Variants in TCOF1 observed in about 807,000 individuals in gnomAD.
TCOF1 encodes the protein treacle ribosome biogenesis factor 1.
A neutral mutation model predicts 149.0 loss-of-function variants in TCOF1; 33 were observed. That is an observed-to-expected ratio of 0.22 (90% CI 0.17 to 0.30). The LOEUF is 0.30. Among genes scored for constraint, TCOF1 ranks in the 10% least tolerant of loss-of-function variants. TCOF1 has a pLI of 1.00. For synonymous variants in TCOF1, 789 were observed against 738.8 expected (o/e 1.07, Z -1.10); for missense variants, 1,728 against 1,840.7 (o/e 0.94, Z 1.12).
At chr5:150,395,425 C>T (rs1289426692) in intron 23 of TCOF1, among the ~76,000 whole-genome samples, 1 of 152,186 alleles carries the variant, frequency 6.6e-6, no homozygotes, top group Non-Finnish European at 1.5e-5. Flanking sequence ...GGGCTTTCAG[C>T]TGCAGCTTGC....
At chr5:150,363,361 G>A (rs538342286) in intron 2 of TCOF1, among the ~76,000 whole-genome samples, 1 of 152,324 alleles carries the variant, frequency 6.6e-6, no homozygotes, top group East Asian at 1.9e-4. Context: ...TCGCAGCTGG[G>A]AAACCTGGGG....
In TCOF1 at chr5:150,379,167, G is replaced by C. The variant is rs1420417118; in HGVS notation, c.2479-62G>C. On this transcript the variant is annotated intron_variant, in intron 15 of 26. Coordinates refer to ENST00000643257, the MANE Select transcript of TCOF1 (RefSeq NM_001371623.1). Reference sequence around the variant, plus strand: ...CACCCACCCAGAGTTGTGCCATAGTGGGGAGTGGGACCTGAAAGGAATCAC... The same window carrying C: ...CACCCACCCAGAGTTGTGCCATAGTCGGGAGTGGGACCTGAAAGGAATCAC... 14 of 1,613,940 alleles carry C rather than the reference G, an allele frequency of 8.7e-6. No individual in the cohort carries two copies. The Admixed American group carries it at 1.2e-4, about 13-fold the overall frequency.
chr5:150,381,026 A>G (rs542574061), intron 17 of TCOF1, among the ~76,000 whole-genome samples: 6 of 152,242 alleles, frequency 3.9e-5, no homozygotes, highest in African/African-American at 1.4e-4. Flanking sequence ...AAATAAAAAA[A>G]AGAGATGATA....
intron 23 of TCOF1, chr5:150,393,797 C>A (rs909251891): frequency 3.7e-6 from 2 of 535,104 alleles, no homozygotes; most frequent in South Asian, 4.0e-5. Context: ...GCAGATTGCT[C>A]AAGCCCAGGA....
Position 150,393,369 on chromosome 5 carries a change from C to T in TCOF1, c.3604-3C>T, listed in dbSNP as rs11743855. 0.074 allele frequency: 118,913 copies of T among 1,613,700 alleles called. 4,779 individuals are homozygous for T. The highest frequency in any genetic ancestry group is 0.13 in the African/African-American group (9,638 of 74,892). ...CAGCCTCTTTCACAATGGGCTTCTT[C>T]AGTCTCTCCTCTCAGGTTATATGAC... On this transcript the variant is annotated splice_polypyrimidine_tract_variant and splice_region_variant and intron_variant, in intron 22 of 26. Transcript: ENST00000643257.
intron 25 of TCOF1, 71 bp from the exon 26 acceptor site, chr5:150,398,951 A>G: frequency 6.2e-7 from 1 of 1,610,624 alleles, no homozygotes; most frequent in Non-Finnish European, 8.5e-7. Flanking sequence ...ACTAGTCCTC[A>G]GGAGGTGGGG....
intron 14 of TCOF1, 86 bp from the exon 15 acceptor site, chr5:150,378,819 G>C: frequency 6.2e-7 from 1 of 1,601,738 alleles, no homozygotes; most frequent in Non-Finnish European, 8.5e-7. Context: ...TCCAGACTCG[G>C]GCTCCAGCTC....
rs1011768014 is a variant in TCOF1, at chr5:150,359,121, C to T, written c.108+1267C>T. Among the ~76,000 whole-genome samples, 8 of 152,130 alleles carry T rather than the reference C, an allele frequency of 5.3e-5. No homozygotes were observed. The East Asian group carries it at 5.8e-4, about 11-fold the overall frequency. Reference sequence around the variant, plus strand: ...CAGCACTTTGGGAGGCCGAGGCAGGCGGATCACTTGAGGCCAGGAGTTCAA... The same window carrying T: ...CAGCACTTTGGGAGGCCGAGGCAGGTGGATCACTTGAGGCCAGGAGTTCAA... On this transcript the variant is annotated intron_variant, in intron 1 of 26. Coordinates refer to ENST00000643257, the MANE Select transcript of TCOF1 (RefSeq NM_001371623.1).
Position 150,376,352 on chromosome 5 carries a change from C to T in TCOF1, c.2142+22C>T, listed in dbSNP as rs151344572. On this transcript the variant is annotated intron_variant, in intron 13 of 26. Transcript: ENST00000643257. Reference sequence around the variant, plus strand: ...ACAGGTGAGGCCTGTGTTTTCTGGGCGGGCCTCAGGGCCGCCCCTACGTGG... The same window carrying T: ...ACAGGTGAGGCCTGTGTTTTCTGGGTGGGCCTCAGGGCCGCCCCTACGTGG... 21 of 1,613,958 alleles carry T rather than the reference C, an allele frequency of 1.3e-5. No individual in the cohort carries two copies. The highest frequency in any genetic ancestry group is 6.7e-5 in the Admixed American group (4 of 59,994).
At chr5:150,391,927 C>T (rs1048646120) in intron 20 of TCOF1, 30 bp from the exon 21 acceptor site, 26 of 1,611,604 alleles carry the variant, frequency 1.6e-5, no homozygotes, top group Non-Finnish European at 2.1e-5. Flanking sequence ...CTAATTTTTC[C>T]TTCCATTCCT....
In TCOF1 at chr5:150,374,641, C is replaced by G. The variant is rs367576572; in HGVS notation, c.1108C>G (p.Gln370Glu). 5.8e-5 allele frequency: 94 copies of G among 1,613,388 alleles called. No individual in the cohort carries two copies. Among genetic ancestry groups the G allele is most frequent in the Non-Finnish European group, 7.9e-5 (93 of 1,179,912 alleles). The change falls in exon 9 of 27, where the codon CAG (glutamine) becomes GAG (glutamate). Residue 370 changes from glutamine to glutamate, a missense_variant. By Grantham distance (29) the Gln-to-Glu change is conservative. This residue lies in a region of TCOF1 where 1,696 missense variants were observed against 1,765.4 expected (regional missense o/e 0.96). Transcript: ENST00000643257. ...LQAKASGKTS[Q>E]VGAASAPAKE... Reference sequence around the variant, plus strand: ...GGCGAAGGCCTCAGGAAAAACCTCTCAGGTCGGAGCTGCCTCAGCCCCTGC... The same window carrying G: ...GGCGAAGGCCTCAGGAAAAACCTCTGAGGTCGGAGCTGCCTCAGCCCCTGC...
At position 150,387,939 on chromosome 5, in the gene TCOF1, G is replaced by A. The variant is rs958966318; in HGVS notation, c.2897G>A (p.Arg966His). 46 of 1,613,780 alleles carry A rather than the reference G, an allele frequency of 2.9e-5. No individual in the cohort carries two copies. Among genetic ancestry groups the A allele is most frequent in the Non-Finnish European group, 3.6e-5 (43 of 1,180,012 alleles). The change falls in exon 18 of 27, where the codon CGT becomes CAT. Residue 966 changes from arginine (R) to histidine (H), a missense_variant. Arg to His is a conservative substitution (Grantham distance 29, BLOSUM62 0). This residue lies in a region of TCOF1 where 1,696 missense variants were observed against 1,765.4 expected (regional missense o/e 0.96). Transcript: ENST00000643257. ...CCTCTGATTTTTGTCGACCCTAATC[G>A]TAGTCCAGCTGGCCCAGCTGCTACA... The part of the protein sequence containing the change: ...KPPLIFVDPN[R>H]SPAGPAATPA...
At chr5:150,392,435 A>T in intron 21 of TCOF1, 1 of 608,326 alleles carries the variant, frequency 1.6e-6, no homozygotes, top group Non-Finnish European at 2.9e-6. Flanking sequence ...CTCCAGGGCC[A>T]TGTTTCTGGA....
Position 150,375,572 on chromosome 5 carries a change from A to G in TCOF1, c.1704+18A>G. ...CGGCTCAGGTGAGGCCCCTTCCTGT[A>G]AGGCTCTTTCTTTTTCCCCCCCACT... On this transcript the variant is annotated intron_variant, in intron 11 of 26. Transcript: ENST00000643257. 1 of 1,613,854 alleles carries G rather than the reference A, an allele frequency of 6.2e-7. No individual in the cohort carries two copies. The highest frequency in any genetic ancestry group is 8.5e-7 in the Non-Finnish European group (1 of 1,179,868).
chr5:150,399,551 G>T (rs1006674690), intron 26 of TCOF1, among the ~76,000 whole-genome samples: 1 of 152,154 alleles, frequency 6.6e-6, no homozygotes, highest in African/African-American at 2.4e-5. Context: ...TGCTCCACCT[G>T]GCTCTGCTGG....
chr5:150,396,663 G>A lies in TCOF1; in HGVS notation c.4166G>A (p.Gly1389Glu). 2 of 1,611,228 alleles carry A rather than the reference G, an allele frequency of 1.2e-6. No homozygotes were observed. The highest frequency in any genetic ancestry group is 3.3e-4 in the Middle Eastern group (2 of 6,054). ...GAAAAGACCTCCACGACTTCCAAGG[G>A]GAAAGCAAAGAGAGACAAAGCAAGT... is the stretch of plus-strand genomic sequence containing the variant. ...SPEKTSTTSK[G>E]KAKRDKASGD... The change falls in exon 24 of 27, where the codon GGG becomes GAG. Residue 1389 changes from glycine (G) to glutamate (E), a missense_variant. By Grantham distance (98) the Gly-to-Glu change is moderately conservative (BLOSUM62 -2). This residue lies in a region of TCOF1 where 1,696 missense variants were observed against 1,765.4 expected (regional missense o/e 0.96). Coordinates refer to ENST00000643257, the MANE Select transcript of TCOF1 (RefSeq NM_001371623.1).
intron 17 of TCOF1, among the ~76,000 whole-genome samples, chr5:150,387,419 G>A (rs1295245626): frequency 6.6e-6 from 1 of 152,184 alleles, no homozygotes; most frequent in Non-Finnish European, 1.5e-5. Flanking sequence ...CTGGGGTTGG[G>A]GCAACTAGAC....
At chr5:150,391,068 G>A (rs1351965180) in intron 19 of TCOF1, among the ~76,000 whole-genome samples, 1 of 152,184 alleles carries the variant, frequency 6.6e-6, no homozygotes, top group East Asian at 1.9e-4. Context: ...GGAAACTGCA[G>A]GTACCAGGTC....
intron 23 of TCOF1, chr5:150,394,935 A>T (rs1489695044): frequency 1.3e-5 from 2 of 153,038 alleles, no homozygotes; most frequent in African/African-American, 4.8e-5. Context: ...AAAAAAAAAA[A>T]AAAAAGGCAG....
Sources: gnomAD v4.1 joint callset for allele counts (sites outside exome capture counted in the v4.1 genomes callset) on GRCh38, gnomAD v4.1.1 for gene constraint, gnomAD v4.1.1 regional missense constraint, MANE v1.5 for transcripts, NCBI Gene and HGNC (gene_info 2026-07-23, HGNC 2026-07-21) for gene names.